Variants in WDR45B observed in about 807,000 individuals in gnomAD.
WDR45B encodes the protein WD repeat domain 45B.
A neutral mutation model predicts 44.6 loss-of-function variants in WDR45B; 20 were observed. The observed-to-expected ratio is 0.45, with a 90% CI of 0.32 to 0.65. The LOEUF (loss-of-function observed/expected upper bound fraction) is 0.65, where lower values mean the gene tolerates loss of function less well. Among genes scored for constraint, WDR45B ranks in the 30% least tolerant of loss-of-function variants. The pLI, the probability that WDR45B is intolerant of heterozygous loss-of-function variation, is 0.05. For synonymous variants in WDR45B, 169 were observed against 164.9 expected, an observed-to-expected ratio of 1.02 and a Z score of -0.19; for missense variants, 323 against 430.2, an observed-to-expected ratio of 0.75 and a Z score of 2.20.
At chr17:82,622,655 A>G (rs932398613) in intron 5 of WDR45B, among the ~76,000 whole-genome samples, 6 of 152,048 alleles carry the variant, frequency 3.9e-5, no homozygotes, top group African/African-American at 1.5e-4. Context: ...GATGGTCTCA[A>G]TCTCCTGACC....
chr17:82,646,908 T>C (rs1172165787), intron 1 of WDR45B, among the ~76,000 whole-genome samples: 1 of 152,158 alleles, frequency 6.6e-6, no homozygotes, highest in Non-Finnish European at 1.5e-5. Flanking sequence ...GCATCAGGCA[T>C]CAAAATCACT....
chr17:82,642,969 TATCCCATCATACATTTATCTGCATAA>T (rs1405198879), intron 2 of WDR45B, among the ~76,000 whole-genome samples: 2 of 152,210 alleles, frequency 1.3e-5, no homozygotes, highest in African/African-American at 2.4e-5. Flanking sequence ...ATCCCATCAT[TATCCCATCATACATTTATCTGCATAA>T]ATCCCATCAT....
chr17:82,619,561 C>A (rs202007510), intron 6 of WDR45B, among the ~76,000 whole-genome samples: 16 of 142,924 alleles, frequency 1.1e-4, no homozygotes, highest in African/African-American at 1.0e-4. Flanking sequence ...AAAGGTGAGG[C>A]AAAAAAAAAA....
chr17:82,624,437 T>G (rs1478312784), intron 5 of WDR45B, among the ~76,000 whole-genome samples: 1 of 151,302 alleles, frequency 6.6e-6, no homozygotes, highest in Non-Finnish European at 1.5e-5. Flanking sequence ...AAGTTTTGTA[T>G]GTTTAGTAGA....
intron 5 of WDR45B, among the ~76,000 whole-genome samples, chr17:82,623,161 G>A (rs1235500564): frequency 6.6e-6 from 1 of 152,082 alleles, no homozygotes; most frequent in African/African-American, 2.4e-5. Flanking sequence ...GGAGGCCAAG[G>A]AAGGCGGATC....
intron 7 of WDR45B, among the ~76,000 whole-genome samples, chr17:82,618,033 A>T (rs534903721): frequency 1.3e-5 from 2 of 151,808 alleles, no homozygotes; most frequent in African/African-American, 4.8e-5. Flanking sequence ...GGTTCAAGCG[A>T]TCCTCCTGCC....
At chr17:82,621,461 G>T (rs1035208784) in intron 6 of WDR45B, 148 bp downstream of exon 6, 2 of 958,742 alleles carry the variant, frequency 2.1e-6, no homozygotes, top group Non-Finnish European at 3.3e-6. Flanking sequence ...CCTGTCTGAT[G>T]ACATGACCAG....
Position 82,631,505 on chromosome 17 carries a change from A to T in WDR45B, c.143-483T>A, listed in dbSNP as rs1176756631. ...TCACTATGCTGGCCAGGCTGATCTC[A>T]AACTCCTGAACTCAGGCGATCAGTC... On this transcript the variant is annotated intron_variant, in intron 2 of 9. Coordinates refer to ENST00000392325, the MANE Select transcript of WDR45B (RefSeq NM_019613.4). 1.1e-4 allele frequency among the ~76,000 whole-genome samples: 15 copies of T among 140,618 alleles called. No homozygotes were observed. In the Admixed American group the frequency reaches 1.1e-3, roughly 10 times the overall value. 92.3% of individuals were successfully genotyped at this position (140,618 alleles called of 152,430 possible).
At chr17:82,630,844 C>T (rs1423126097) in intron 3 of WDR45B, 77 bp downstream of exon 3, 2 of 1,374,126 alleles carry the variant, frequency 1.5e-6, no homozygotes, top group African/African-American at 1.4e-5. Flanking sequence ...TCACACATGG[C>T]CACAAACATA....
intron 6 of WDR45B, among the ~76,000 whole-genome samples, chr17:82,619,356 G>C (rs1300990092): frequency 6.6e-6 from 1 of 152,086 alleles, no homozygotes; most frequent in African/African-American, 2.4e-5. Context: ...AGTCAAGAGA[G>C]GCTTCCAGAG....
chr17:82,615,949 C>A lies in WDR45B; in HGVS notation c.1005G>T (p.Gln335His), dbSNP rs370066080. The A allele has an allele frequency of 6.2e-7, 1 of 1,613,558 alleles. No individual in the cohort carries two copies. Among genetic ancestry groups the A allele is most frequent in the Admixed American group, 1.7e-5 (1 of 59,928 alleles). ...KGECIRDVYA[Q>H]FLEMTDDKL ...GCTTGTCATCGGTCATCTCTAGAAA[C>A]TGCGCGTAGACATCTCGGATGCACT... is the stretch of plus-strand genomic sequence containing the variant. Residue 335 changes from glutamine (Q) to histidine (H), a missense_variant, in exon 10 of 10, where the codon CAG becomes CAT. Transcript: ENST00000392325.
chr17:82,629,440 C>T, intron 3 of WDR45B: 2 of 943,202 alleles, frequency 2.1e-6, no homozygotes, highest in African/African-American at 3.5e-5. Context: ...GGGTGGGCTC[C>T]TCCAGAGGAC....
At chr17:82,644,081 G>C (rs965971872) in intron 1 of WDR45B, 58 bp from the exon 2 acceptor site, 1 of 1,547,396 alleles carries the variant, frequency 6.5e-7, no homozygotes, top group African/African-American at 1.4e-5. Context: ...TTAAAAGAAA[G>C]AGGTCTGGAG....
chr17:82,648,262 G>T lies in WDR45B; in HGVS notation c.67+12C>A. 6.2e-7 allele frequency: 1 copy of T among 1,603,246 alleles called. No homozygotes were observed. On this transcript the variant is annotated intron_variant, in intron 1 of 9. Coordinates refer to ENST00000392325, the MANE Select transcript of WDR45B (RefSeq NM_019613.4). The stretch of plus-strand genomic sequence containing the variant: ...CCCGGCCGGGCAAGGCGACAGGGCC[G>T]CGCCTCCTCACCGTGGTCCTGGTTG...
intron 2 of WDR45B, among the ~76,000 whole-genome samples, chr17:82,639,576 C>A (rs556468853): frequency 4.0e-5 from 6 of 151,142 alleles, no homozygotes; most frequent in Non-Finnish European, 8.8e-5. Flanking sequence ...TTCTCTAGCA[C>A]CTTCACCTGG....
intron 7 of WDR45B, among the ~76,000 whole-genome samples, chr17:82,617,792 A>G (rs572483074): frequency 7.9e-5 from 12 of 152,314 alleles, no homozygotes; most frequent in East Asian, 5.8e-4. Flanking sequence ...GGCTGCCCCT[A>G]TGGAGGTCAG....
chr17:82,633,705 C>T (rs1363380173), intron 2 of WDR45B, among the ~76,000 whole-genome samples: 1 of 152,064 alleles, frequency 6.6e-6, no homozygotes, highest in Non-Finnish European at 1.5e-5. Context: ...AAAAGTAGGA[C>T]AGGTCCTCAA....
At chr17:82,629,749 C>T (rs1172838201) in intron 3 of WDR45B, 5 of 985,448 alleles carry the variant, frequency 5.1e-6, no homozygotes, top group Non-Finnish European at 6.0e-6. Context: ...GTGAGCTGGG[C>T]CCCAAAGCTT....
chr17:82,648,144 C>T, intron 1 of WDR45B, 130 bp downstream of exon 1: 1 of 1,100,776 alleles, frequency 9.1e-7, no homozygotes, highest in Non-Finnish European at 1.2e-6. Context: ...CGGAGGGGAG[C>T]TCGGGCGGGG....
Sources: gnomAD v4.1 joint callset for allele counts (sites outside exome capture counted in the v4.1 genomes callset) on GRCh38, gnomAD v4.1.1 for gene constraint, MANE v1.5 for transcripts, NCBI Gene and HGNC (gene_info 2026-07-23, HGNC 2026-07-21) for gene names.